The following KIRREL1 variants were observed in gnomAD, a reference collection of about 807,000 sequenced individuals.
KIRREL1 encodes kirre like nephrin family adhesion molecule 1, also known as kin of IRRE-like protein 1.
KIRREL1 carries 25 observed loss-of-function variants against 83.3 expected under a neutral mutation model. The observed-to-expected ratio is 0.30, with a 90% CI of 0.22 to 0.42. The LOEUF (loss-of-function observed/expected upper bound fraction) is 0.42. KIRREL1 is among the 10% of genes least tolerant of loss of function. The pLI is 1.00. For synonymous variants in KIRREL1, 388 were observed against 410.4 expected (o/e 0.95, Z 0.66); for missense variants, 812 against 1,032.3 (o/e 0.79, Z 2.92).
At chr1:158,066,850 T>C (rs1049286521) in intron 1 of KIRREL1, among the ~76,000 whole-genome samples, 4 of 152,228 alleles carry the variant, frequency 2.6e-5, no homozygotes, top group African/African-American at 9.6e-5. Context: ...ACCTGCCTCC[T>C]GTCTCCCCTA....
chr1:158,055,760 T>A (rs1661039772), intron 1 of KIRREL1, among the ~76,000 whole-genome samples: 1 of 152,214 alleles, frequency 6.6e-6, no homozygotes, highest in African/African-American at 2.4e-5. Context: ...CACCTTGATA[T>A]CTATGCACCC....
chr1:158,034,269 C>CAAAAAAAAAAA (rs750353894), intron 1 of KIRREL1, among the ~76,000 whole-genome samples: 2 of 113,684 alleles, frequency 1.8e-5, no homozygotes, highest in Admixed American at 9.5e-5. Flanking sequence ...GACTCCGTCT[C>CAAAAAAAAAAA]AAAAAAAAAA....
chr1:157,996,838 G>T (rs533476503), intron 1 of KIRREL1, among the ~76,000 whole-genome samples: 1 of 152,176 alleles, frequency 6.6e-6, no homozygotes, highest in Non-Finnish European at 1.5e-5. Flanking sequence ...GACCCAAAGG[G>T]AGGGTGTGAA....
chr1:158,046,940 AAG>A (rs1196980786), intron 1 of KIRREL1, among the ~76,000 whole-genome samples: 3 of 152,162 alleles, frequency 2.0e-5, no homozygotes, highest in African/African-American at 7.2e-5. Flanking sequence ...GAGAGGTTTT[AAG>A]AGAGGAGAGA....
At chr1:158,029,337 CTG>C (rs60980289) in intron 1 of KIRREL1, among the ~76,000 whole-genome samples, 1,659 of 69,300 alleles carry the variant, frequency 0.024, 35 homozygotes, top group African/African-American at 0.07. Flanking sequence ...TAACAAAAAC[CTG>C]TGTGTGTGTG....
intron 1 of KIRREL1, among the ~76,000 whole-genome samples, chr1:158,005,122 C>T (rs1031142947): frequency 3.3e-5 from 5 of 152,156 alleles, no homozygotes; most frequent in South Asian, 2.1e-4. Context: ...ACCAAGCTCT[C>T]GGGTGATGCT....
At chr1:158,023,924 G>A (rs1660076940) in intron 1 of KIRREL1, among the ~76,000 whole-genome samples, 1 of 152,164 alleles carries the variant, frequency 6.6e-6, no homozygotes, top group South Asian at 2.1e-4. Context: ...GGGGATGGAA[G>A]AGACACAGGG....
chr1:158,072,970 C>T (rs1466677751), intron 1 of KIRREL1, among the ~76,000 whole-genome samples: 2 of 152,134 alleles, frequency 1.3e-5, no homozygotes, highest in Non-Finnish European at 2.9e-5. Flanking sequence ...CCACTAAAAA[C>T]CCAGGACAAG....
intron 1 of KIRREL1, among the ~76,000 whole-genome samples, chr1:158,019,854 C>T (rs992482285): frequency 4.8e-4 from 73 of 152,056 alleles, no homozygotes; most frequent in African/African-American, 1.7e-3. Context: ...ATGAGAGAGG[C>T]CCCAAGCATA....
chr1:158,023,933 G>C (rs549720416), intron 1 of KIRREL1, among the ~76,000 whole-genome samples: 1 of 152,060 alleles, frequency 6.6e-6, no homozygotes, highest in African/African-American at 2.4e-5. Flanking sequence ...AGAGACACAG[G>C]GTTTTTATTG....
intron 8 of KIRREL1, 101 bp downstream of exon 8, chr1:158,088,555 G>C (rs1049925435): frequency 9.7e-7 from 1 of 1,032,404 alleles, no homozygotes; most frequent in Non-Finnish European, 1.3e-6. Context: ...CGCGATCTCG[G>C]CTCACTGCAA....
intron 1 of KIRREL1, among the ~76,000 whole-genome samples, chr1:158,043,977 A>G (rs1380322679): frequency 6.6e-6 from 1 of 152,244 alleles, no homozygotes; most frequent in Non-Finnish European, 1.5e-5. Context: ...AATAATAGGT[A>G]TCTTAATGGT....
intron 13 of KIRREL1, 139 bp downstream of exon 13, chr1:158,093,901 ACT>A: frequency 2.3e-6 from 2 of 879,840 alleles, no homozygotes; most frequent in Non-Finnish European, 3.5e-6. Flanking sequence ...ACTCTCCCAC[ACT>A]CACACACATT....
intron 1 of KIRREL1, among the ~76,000 whole-genome samples, chr1:158,032,292 G>A (rs1483559666): frequency 6.6e-6 from 1 of 152,122 alleles, no homozygotes; most frequent in African/African-American, 2.4e-5. Context: ...AGGAGGAGCT[G>A]GGCCTGTCTG....
At chr1:158,055,548 T>C (rs74715411) in intron 1 of KIRREL1, among the ~76,000 whole-genome samples, 3,997 of 152,300 alleles carry the variant, frequency 0.026, 161 homozygotes, top group African/African-American at 0.086. Flanking sequence ...CCCTGGCCGA[T>C]GTCCAAGTGC....
chr1:158,059,493 T>C (rs934454452), intron 1 of KIRREL1, among the ~76,000 whole-genome samples: 3 of 152,194 alleles, frequency 2.0e-5, no homozygotes, highest in African/African-American at 4.8e-5. Flanking sequence ...GTTGACACTT[T>C]TGTTTGTCTC....
rs56788787 is a variant in KIRREL1 at position 158,055,835 on chromosome 1, C to T, written c.53-20278C>T. Among the ~76,000 whole-genome samples the T allele has an allele frequency of 2.4e-3, 373 of 152,344 alleles. 2 individuals are homozygous for T. Among genetic ancestry groups the T allele is most frequent in the African/African-American group, 8.6e-3 (358 of 41,580 alleles). ...CCCATGCCTAATTACAAGGTGCCTGCACTGCCAATGGAGCATAAGGACAGG... is the reference window on the plus strand; with the variant it reads ...CCCATGCCTAATTACAAGGTGCCTGTACTGCCAATGGAGCATAAGGACAGG... On this transcript the variant is annotated intron_variant, in intron 1 of 14. Transcript: ENST00000359209.
intron 1 of KIRREL1, among the ~76,000 whole-genome samples, chr1:158,070,405 G>T (rs1199180457): frequency 6.6e-6 from 1 of 152,190 alleles, no homozygotes; most frequent in Non-Finnish European, 1.5e-5. Context: ...CAGAAACAGT[G>T]TCTACAAGGC....
intron 1 of KIRREL1, among the ~76,000 whole-genome samples, chr1:158,056,698 G>A (rs890150304): frequency 3.3e-5 from 5 of 152,152 alleles, no homozygotes; most frequent in African/African-American, 1.2e-4. Flanking sequence ...AGCTCCAGCC[G>A]GGCGGCTGTG....
Sources: gnomAD v4.1 joint callset for allele counts (sites outside exome capture counted in the v4.1 genomes callset) on GRCh38, gnomAD v4.1.1 for gene constraint, MANE v1.5 for transcripts, NCBI Gene and HGNC (gene_info 2026-07-23, HGNC 2026-07-21) for gene names.